The following PTPRU variants were observed in gnomAD, a reference collection of about 807,000 sequenced individuals.
PTPRU encodes the protein receptor-type tyrosine-protein phosphatase U.
In PTPRU, 69 loss-of-function variants were observed where a neutral mutation model predicts 166.3. The observed-to-expected ratio is 0.41, with a 90% CI of 0.34 to 0.51. The LOEUF (loss-of-function observed/expected upper bound fraction) is 0.51. Among genes scored for constraint, PTPRU ranks in the 20% least tolerant of loss-of-function variants. The pLI is 0.09. For synonymous variants in PTPRU, 793 were observed against 814.0 expected (o/e 0.97, Z 0.44); for missense variants, 1,657 against 2,013.7 (o/e 0.82, Z 3.39).
intron 15 of PTPRU, among the ~76,000 whole-genome samples, chr1:29,294,448 G>T (rs1466152719): frequency 1.3e-5 from 2 of 152,030 alleles, no homozygotes; most frequent in Non-Finnish European, 2.9e-5. Flanking sequence ...GTTTTTAGGA[G>T]TTCTTTATAT....
Position 29,237,250 on chromosome 1 carries a change from C to A in PTPRU, c.73+533C>A, listed in dbSNP as rs974653565. Among the ~76,000 whole-genome samples, 5 of 150,956 alleles carry A rather than the reference C, an allele frequency of 3.3e-5. No individual in the cohort carries two copies. The highest frequency in any genetic ancestry group is 1.5e-5 in the Non-Finnish European group (1 of 67,722). ...TGTGTGGCGTGTGTGCTTTTGAGAT[C>A]CGTGTACATGTGTGAAGGCGTGGGA... is the stretch of plus-strand genomic sequence containing the variant. On this transcript the variant is annotated intron_variant, in intron 1 of 29. Coordinates refer to ENST00000373779, the MANE Select transcript of PTPRU (RefSeq NM_133178.4). The surrounding 1 kb of genome is among the most constrained non-coding windows in gnomAD (Gnocchi z 6.4).
chr1:29,297,592 A>G (rs1395604264), intron 15 of PTPRU, among the ~76,000 whole-genome samples: 1 of 152,068 alleles, frequency 6.6e-6, no homozygotes, highest in African/African-American at 2.4e-5. Context: ...TGTATGTGCA[A>G]ATGTGTGGTG....
At chr1:29,321,064 C>T (rs981449986) in intron 26 of PTPRU, among the ~76,000 whole-genome samples, 1 of 152,176 alleles carries the variant, frequency 6.6e-6, no homozygotes, top group Non-Finnish European at 1.5e-5. Flanking sequence ...CACTCTTTTG[C>T]CCAGGCTGGA....
chr1:29,260,926 G>C lies in PTPRU; in HGVS notation c.1144+23G>C, dbSNP rs529827355. ...CAGGTGGGTGCAGCAGCTACCCCTG[G>C]CCTCAGTCTCTGGTGGGCCCAGGGC... On this transcript the variant is annotated intron_variant, in intron 7 of 29. Coordinates refer to ENST00000373779, the MANE Select transcript of PTPRU (RefSeq NM_133178.4). This position sits in a 1 kb window ranked among gnomAD's most constrained non-coding sequence, Gnocchi z 8.3. 3 of 1,511,946 alleles carry C rather than the reference G, an allele frequency of 2.0e-6. No homozygotes were observed. In the Admixed American group the frequency reaches 6.3e-5, roughly 32 times the overall value. 93.7% of individuals were successfully genotyped at this position (1,511,946 alleles called of 1,614,324 possible).
intron 15 of PTPRU, among the ~76,000 whole-genome samples, chr1:29,295,727 C>T (rs1355262009): frequency 1.3e-5 from 2 of 152,004 alleles, no homozygotes; most frequent in African/African-American, 2.4e-5. Context: ...CACTCTGTCA[C>T]CCAGGCTGGA....
chr1:29,278,966 C>T, intron 8 of PTPRU, 46 bp from the exon 9 acceptor site: 1 of 1,477,166 alleles, frequency 6.8e-7, no homozygotes, highest in Non-Finnish European at 9.3e-7. Flanking sequence ...AGGTGTCTGG[C>T]ACCAAAGCCC....
At chr1:29,244,074 G>T (rs563812898) in intron 1 of PTPRU, among the ~76,000 whole-genome samples, 7 of 152,314 alleles carry the variant, frequency 4.6e-5, no homozygotes, top group Middle Eastern at 3.4e-3. Context: ...CTGAGGCTTG[G>T]GAGTTTGAGG....
At position 29,247,568 on chromosome 1, in the gene PTPRU, T is replaced by C. The variant is rs1684355201; in HGVS notation, c.74-7707T>C. ...CCATGCCCCTCTACTCTATACTCTGTCTTCGTATGTCGCAGGGTGTCTGTG... is the reference window on the plus strand; with the variant it reads ...CCATGCCCCTCTACTCTATACTCTGCCTTCGTATGTCGCAGGGTGTCTGTG... On this transcript the variant is annotated intron_variant, in intron 1 of 29. Transcript: ENST00000373779. 2.6e-5 allele frequency among the ~76,000 whole-genome samples: 4 copies of C among 152,244 alleles called. 1 individual carries two copies. The South Asian group carries it at 8.3e-4, about 32-fold the overall frequency.
At chr1:29,259,820 G>T (rs1175350451) in intron 5 of PTPRU, 50 bp from the exon 6 acceptor site, 6 of 1,484,610 alleles carry the variant, frequency 4.0e-6, no homozygotes, top group Non-Finnish European at 5.4e-6. Flanking sequence ...AGCGAGATCG[G>T]GACCCCTCGC....
At chr1:29,259,202 C>A (rs994776820) in intron 3 of PTPRU, 59 bp from the exon 4 acceptor site, 5 of 1,530,304 alleles carry the variant, frequency 3.3e-6, no homozygotes, top group Non-Finnish European at 3.6e-6. Flanking sequence ...AAAGTGGGCA[C>A]CTCCCCAGGC....
intron 18 of PTPRU, among the ~76,000 whole-genome samples, chr1:29,305,836 AGTT>A (rs1221240763): frequency 1.3e-5 from 2 of 152,260 alleles, no homozygotes; most frequent in East Asian, 3.9e-4. Flanking sequence ...GGCACCAGGG[AGTT>A]GTTAAAGTGT....
intron 1 of PTPRU, among the ~76,000 whole-genome samples, chr1:29,243,992 T>A (rs918746674): frequency 1.3e-5 from 2 of 152,108 alleles, no homozygotes; most frequent in African/African-American, 4.8e-5. Context: ...CTTGGGCAGA[T>A]TCCCAAGATG....
chr1:29,244,507 T>G (rs1327638980), intron 1 of PTPRU, among the ~76,000 whole-genome samples: 1 of 151,474 alleles, frequency 6.6e-6, no homozygotes, highest in Non-Finnish European at 1.5e-5. Context: ...CAGCTGAGAG[T>G]GGGAAATACA....
At position 29,236,868 on chromosome 1, in the gene PTPRU, G is replaced by T. The variant is rs1319563460; in HGVS notation, c.73+151G>T. Reference sequence around the variant, plus strand: ...GTAGGATGGGCGATTGTGTGCCCGGGGTGTTGCGTGACTGCGAATGTTGTG... The same window carrying T: ...GTAGGATGGGCGATTGTGTGCCCGGTGTGTTGCGTGACTGCGAATGTTGTG... On this transcript the variant is annotated intron_variant, in intron 1 of 29. Coordinates refer to ENST00000373779, the MANE Select transcript of PTPRU (RefSeq NM_133178.4). This position sits in a 1 kb window ranked among gnomAD's most constrained non-coding sequence, Gnocchi z 4.6. The T allele has an allele frequency of 2.7e-6, 2 of 744,436 alleles. No individual in the cohort carries two copies. Among genetic ancestry groups the T allele is most frequent in the Non-Finnish European group, 3.8e-6 (2 of 532,960 alleles). 46.1% of individuals were successfully genotyped at this position (744,436 alleles called of 1,614,324 possible). A position where few individuals can be genotyped will look rare whatever the true frequency, so the allele number is the denominator to read the frequency against.
chr1:29,294,172 C>G (rs556007191), intron 15 of PTPRU, among the ~76,000 whole-genome samples: 2 of 152,236 alleles, frequency 1.3e-5, no homozygotes, highest in African/African-American at 4.8e-5. Context: ...CAAAGCAACT[C>G]TGCCTGTTTT....
intron 5 of PTPRU, 113 bp from the exon 6 acceptor site, chr1:29,259,757 G>C: frequency 7.4e-7 from 1 of 1,344,460 alleles, no homozygotes; most frequent in East Asian, 2.5e-5. Context: ...CGCGGCTCCA[G>C]GAACCTATGT....
At chr1:29,276,530 C>G (rs1685813978) in intron 8 of PTPRU, among the ~76,000 whole-genome samples, 1 of 152,122 alleles carries the variant, frequency 6.6e-6, no homozygotes, top group African/African-American at 2.4e-5. Context: ...GTTGCCCAGG[C>G]TGGTCTCGAA....
Position 29,275,488 on chromosome 1 carries a change from C to A in PTPRU, c.1185C>A (p.Ile395=). ...CCAAAGGCCTGGCTTTTGCTGAGAT[C>A]CAGGCCCGTCAGCTGACCCTGCAGT... ...RAPKGLAFAE[I]QARQLTLQWE... is the part of the protein sequence containing the mutation. The change falls in exon 8 of 30, where the codon ATC becomes ATA. Residue 395 remains isoleucine (I), a synonymous_variant. Coordinates refer to ENST00000373779, the MANE Select transcript of PTPRU (RefSeq NM_133178.4). 1 of 1,614,170 alleles carries A rather than the reference C, an allele frequency of 6.2e-7. No homozygotes were observed. The highest frequency in any genetic ancestry group is 8.5e-7 in the Non-Finnish European group (1 of 1,180,008).
At position 29,315,423 on chromosome 1, in the gene PTPRU, C is replaced by T. The variant is rs767226393; in HGVS notation, c.3279C>T (p.Asp1093=). The T allele has an allele frequency of 2.5e-6, 4 of 1,614,220 alleles. No homozygotes were observed. The highest frequency in any genetic ancestry group is 2.5e-6 in the Non-Finnish European group (3 of 1,180,046). ...ATATCGTCCTGGATGTGATGCTGGACATGGCAGAGTGTGAGGGCGTCGTGG... is the reference window on the plus strand; with the variant it reads ...ATATCGTCCTGGATGTGATGCTGGATATGGCAGAGTGTGAGGGCGTCGTGG... ...GCYIVLDVML[D]MAECEGVVDI... is the part of the protein sequence containing the mutation. The change falls in exon 23 of 30, where the codon GAC becomes GAT. Residue 1093 remains aspartate, a synonymous_variant. Transcript: ENST00000373779. The surrounding 1 kb of genome is among the most constrained non-coding windows in gnomAD (Gnocchi z 4.5).
Sources: allele counts gnomAD v4.1 joint callset (sites outside exome capture counted in the v4.1 genomes callset), GRCh38; gene constraint gnomAD v4.1.1; non-coding constraint Gnocchi (gnomAD v3.1); transcripts MANE v1.5; gene names NCBI Gene and HGNC (gene_info 2026-07-23, HGNC 2026-07-21).